Variants in STXBP5L observed in about 807,000 individuals in gnomAD.
The protein encoded by STXBP5L is syntaxin-binding protein 5-like.
A neutral mutation model predicts 144.5 loss-of-function variants in STXBP5L; 65 were observed. The ratio of observed to expected loss-of-function variants is 0.45; its 90% CI spans 0.37 to 0.55. The LOEUF (loss-of-function observed/expected upper bound fraction) is 0.55. STXBP5L is among the 20% of genes least tolerant of loss of function. STXBP5L has a pLI of 0.00. For missense variants in STXBP5L, 1,298 were observed against 1,405.5 expected, an observed-to-expected ratio of 0.92 and a Z score of 1.22; for synonymous variants, 505 against 469.6, an observed-to-expected ratio of 1.08 and a Z score of -0.97.
At chr3:121,035,397 G>A (rs116548742) in intron 3 of STXBP5L, among the ~76,000 whole-genome samples, 1,609 of 152,222 alleles carry the variant, frequency 0.011, 26 homozygotes, top group African/African-American at 0.037. Flanking sequence ...TATAGTGAGA[G>A]ATAGGGGTCC....
chr3:120,980,693 C>T (rs1941676675), intron 3 of STXBP5L, among the ~76,000 whole-genome samples: 2 of 152,052 alleles, frequency 1.3e-5, no homozygotes, highest in African/African-American at 4.8e-5. Context: ...GCATTTAGTT[C>T]ATTTACATTC....
At chr3:121,121,080 C>G (rs2044439222) in intron 6 of STXBP5L, among the ~76,000 whole-genome samples, 1 of 151,068 alleles carries the variant, frequency 6.6e-6, no homozygotes, top group Non-Finnish European at 1.5e-5. Context: ...ACTAAATAAC[C>G]TGATAAGTGT....
At chr3:121,353,746 G>T (rs186750914) in intron 20 of STXBP5L, among the ~76,000 whole-genome samples, 11 of 152,100 alleles carry the variant, frequency 7.2e-5, no homozygotes, top group Admixed American at 7.2e-4. Context: ...GTTTCCTCTT[G>T]CTTCTCTAGC....
intron 20 of STXBP5L, among the ~76,000 whole-genome samples, chr3:121,332,539 T>G (rs2044354850): frequency 6.6e-6 from 1 of 151,694 alleles, no homozygotes; most frequent in South Asian, 2.1e-4. Flanking sequence ...AGACAAAATT[T>G]TGAATTAATT....
chr3:120,996,382 A>G (rs1576608675), intron 3 of STXBP5L, among the ~76,000 whole-genome samples: 1 of 152,068 alleles, frequency 6.6e-6, no homozygotes, highest in Admixed American at 6.6e-5. Flanking sequence ...AATGTCATAT[A>G]TATTTTTTGA....
intron 3 of STXBP5L, among the ~76,000 whole-genome samples, chr3:120,985,314 G>A (rs1576576152): frequency 1.3e-5 from 2 of 151,906 alleles, no homozygotes; most frequent in African/African-American, 2.4e-5. Flanking sequence ...GATGTCTTTT[G>A]TATATAGTTA....
At chr3:120,919,095 A>C (rs1709243585) in intron 2 of STXBP5L, among the ~76,000 whole-genome samples, 1 of 152,172 alleles carries the variant, frequency 6.6e-6, no homozygotes, top group African/African-American at 2.4e-5. Context: ...AGAAAAGAGA[A>C]AAGTGTCATA....
At chr3:121,062,237 C>G (rs1342663334) in intron 5 of STXBP5L, among the ~76,000 whole-genome samples, 2 of 152,052 alleles carry the variant, frequency 1.3e-5, no homozygotes, top group Admixed American at 6.5e-5. Flanking sequence ...ATTTTATTTC[C>G]CTTTGCTTAT....
intron 9 of STXBP5L, among the ~76,000 whole-genome samples, chr3:121,168,990 C>T (rs999799641): frequency 2.1e-4 from 32 of 152,268 alleles, no homozygotes; most frequent in East Asian, 5.8e-4. Flanking sequence ...CAGCAGATCT[C>T]GCTGCAGAAA....
intron 9 of STXBP5L, among the ~76,000 whole-genome samples, chr3:121,174,266 C>G (rs1279867680): frequency 6.6e-6 from 1 of 151,916 alleles, no homozygotes; most frequent in African/African-American, 2.4e-5. Context: ...ATTTTAACTT[C>G]TATGATAGAT....
intron 5 of STXBP5L, among the ~76,000 whole-genome samples, chr3:121,051,095 G>C (rs1253573098): frequency 2.0e-5 from 3 of 152,178 alleles, no homozygotes; most frequent in Admixed American, 2.0e-4. Flanking sequence ...GAAGTCCTGA[G>C]TGACCTACAA....
intron 20 of STXBP5L, among the ~76,000 whole-genome samples, chr3:121,376,615 A>G (rs1417334549): frequency 6.6e-6 from 1 of 152,176 alleles, no homozygotes; most frequent in Non-Finnish European, 1.5e-5. Context: ...TGCCAGTATC[A>G]TGCTGTTTTG....
At chr3:121,143,134 CAT>C (rs1290884521) in intron 7 of STXBP5L, among the ~76,000 whole-genome samples, 1 of 151,370 alleles carries the variant, frequency 6.6e-6, no homozygotes, top group Non-Finnish European at 1.5e-5. Flanking sequence ...TTCTTAGAAA[CAT>C]AAAACCTGCC....
At chr3:121,332,315 T>A in intron 20 of STXBP5L, among the ~76,000 whole-genome samples, 1 of 130,186 alleles carries the variant, frequency 7.7e-6, no homozygotes, top group Admixed American at 8.6e-5. Context: ...CTTCAGGAGA[T>A]ACAAGAGAAA....
intron 22 of STXBP5L, among the ~76,000 whole-genome samples, chr3:121,398,529 G>A (rs1206475252): frequency 2.0e-5 from 3 of 152,192 alleles, no homozygotes; most frequent in East Asian, 1.9e-4. Flanking sequence ...TTAGCCCAAT[G>A]TTTTCCTTTT....
At chr3:121,111,549 G>A (rs1007354040) in intron 5 of STXBP5L, among the ~76,000 whole-genome samples, 1 of 152,180 alleles carries the variant, frequency 6.6e-6, no homozygotes, top group Admixed American at 6.5e-5. Flanking sequence ...ACACCTGAAG[G>A]TGTCACCAGT....
intron 8 of STXBP5L, among the ~76,000 whole-genome samples, chr3:121,156,074 C>G (rs1178207968): frequency 6.6e-6 from 1 of 151,908 alleles, no homozygotes; most frequent in Non-Finnish European, 1.5e-5. Context: ...AGTATTTTAT[C>G]TCTAACTTCC....
At chr3:121,378,907 T>A in intron 21 of STXBP5L, 21 bp downstream of exon 21, 1 of 1,598,056 alleles carries the variant, frequency 6.3e-7, no homozygotes, top group Non-Finnish European at 8.5e-7. Flanking sequence ...CATATTAAAT[T>A]TTTTTGTTAC....
At chr3:120,955,329 A>G (rs960948450) in intron 3 of STXBP5L, among the ~76,000 whole-genome samples, 4 of 151,954 alleles carry the variant, frequency 2.6e-5, no homozygotes, top group African/African-American at 9.7e-5. Context: ...GATTCTCACA[A>G]AGAATCAACT....
Sources: gnomAD v4.1 joint callset for allele counts (sites outside exome capture counted in the v4.1 genomes callset) on GRCh38, gnomAD v4.1.1 for gene constraint, MANE v1.5 for transcripts, NCBI Gene and HGNC (gene_info 2026-07-23, HGNC 2026-07-21) for gene names.